The following KIAA0319L variants were observed in gnomAD, a reference collection of about 807,000 sequenced individuals.
The protein encoded by KIAA0319L is dyslexia-associated protein KIAA0319-like protein.
In KIAA0319L, 55 loss-of-function variants were observed where a neutral mutation model predicts 120.1. The ratio of observed to expected loss-of-function variants is 0.46; its 90% confidence interval spans 0.37 to 0.57. The LOEUF (loss-of-function observed/expected upper bound fraction) is 0.57. Ranked by LOEUF, KIAA0319L falls within the 20% of genes least tolerant of loss-of-function variation. The pLI is 0.00. For missense variants in KIAA0319L, 1,049 were observed against 1,255.3 expected (o/e 0.84, Z 2.48); for synonymous variants, 398 against 471.9 (o/e 0.84, Z 2.03).
chr1:35,472,404 G>A (rs1018129975), intron 5 of KIAA0319L, among the ~76,000 whole-genome samples: 3 of 152,144 alleles, frequency 2.0e-5, no homozygotes, highest in African/African-American at 7.2e-5. Context: ...TGATCCTCCT[G>A]CCTCAGCCTC....
At position 35,442,234 on chromosome 1, in the gene KIAA0319L, A is replaced by G. The variant is rs1443419368; in HGVS notation, c.2870+12T>C. On this transcript the variant is annotated intron_variant, in intron 19 of 20. Transcript: ENST00000325722. Reference sequence around the variant, plus strand: ...GAAGCCCGAATGAATTTCAAAGGAAAATCCATCTTACCTCTTACAACAACA... The same window carrying G: ...GAAGCCCGAATGAATTTCAAAGGAAGATCCATCTTACCTCTTACAACAACA... The G allele has an allele frequency of 1.9e-6, 3 of 1,598,150 alleles. No homozygotes were observed. The highest frequency in any genetic ancestry group is 1.3e-5 in the African/African-American group (1 of 74,558).
chr1:35,457,524 T>TA (rs965501756), intron 9 of KIAA0319L, among the ~76,000 whole-genome samples: 6 of 135,782 alleles, frequency 4.4e-5, no homozygotes, highest in Non-Finnish European at 8.1e-5. Flanking sequence ...AGAAAGAAAA[T>TA]AAAAAAAAAT....
intron 10 of KIAA0319L, 27 bp downstream of exon 10, chr1:35,455,986 G>T (rs749156495): frequency 1.3e-6 from 2 of 1,558,818 alleles, no homozygotes; most frequent in East Asian, 4.5e-5. Context: ...TCTTGGGCAA[G>T]AAAAAATAGG....
At chr1:35,479,961 A>AC (rs1553203193) in intron 3 of KIAA0319L, among the ~76,000 whole-genome samples, 5,473 of 138,408 alleles carry the variant, frequency 0.04, 452 homozygotes, top group African/African-American at 0.16. Context: ...AAAAAAAAAA[A>AC]AAAAAAAAAA....
Position 35,466,598 on chromosome 1 carries a change from G to T in KIAA0319L, c.1201+10C>A. On this transcript the variant is annotated intron_variant, in intron 7 of 20. Transcript: ENST00000325722. ...GAGGAAGGGAGACACAGCCAGGGCT[G>T]AAAACATACCTGGCTTGACTGTCAC... The T allele has an allele frequency of 2.5e-6, 4 of 1,602,490 alleles. No individual in the cohort carries two copies. The highest frequency in any genetic ancestry group is 1.7e-6 in the Non-Finnish European group (2 of 1,169,706).
At chr1:35,551,001 C>A (rs1329669756) in intron 2 of KIAA0319L, among the ~76,000 whole-genome samples, 1 of 152,192 alleles carries the variant, frequency 6.6e-6, no homozygotes, top group Admixed American at 6.5e-5. Flanking sequence ...TTGATCAGTG[C>A]TCTCATTCAC....
rs910918529 is a variant in KIAA0319L, at chr1:35,554,512, C to T, written c.-21G>A. ...TCCATGGCCCTCCAGACAGGCAGAA[C>T]CAGTACACTAGAAGGACAGAAAGAG... On this transcript the variant is annotated 5_prime_UTR_variant, in exon 2 of 21. Transcript: ENST00000325722. The T allele has an allele frequency of 1.7e-5, 26 of 1,575,254 alleles. No homozygotes were observed. Among genetic ancestry groups the T allele is most frequent in the Non-Finnish European group, 2.2e-5 (26 of 1,165,160 alleles).
At chr1:35,499,236 T>C (rs1346539323) in intron 3 of KIAA0319L, among the ~76,000 whole-genome samples, 1 of 152,138 alleles carries the variant, frequency 6.6e-6, no homozygotes, top group African/African-American at 2.4e-5. Flanking sequence ...GACTGAATGT[T>C]TGTGTTCTCC....
chr1:35,537,064 A>G (rs2148482803), intron 2 of KIAA0319L, among the ~76,000 whole-genome samples: 1 of 152,302 alleles, frequency 6.6e-6, no homozygotes, highest in African/African-American at 2.4e-5. Flanking sequence ...CTGTCTTTGT[A>G]CTTCAAAAAG....
chr1:35,453,672 G>T lies in KIAA0319L; in HGVS notation c.1798C>A (p.Gln600Lys). The change falls in exon 12 of 21, where the codon CAG becomes AAG. Residue 600 changes from glutamine (Q) to lysine (K), a missense_variant. Coordinates refer to ENST00000325722, the MANE Select transcript of KIAA0319L (RefSeq NM_024874.5). The surrounding 1 kb of genome is among the most constrained non-coding windows in gnomAD (Gnocchi z 4.1). ...IVQPENNKPP[Q>K]ADAGPDKELT... Reference sequence around the variant, plus strand: ...TCTTTATCTGGGCCTGCATCTGCCTGAGGAGGCTTATTGTTTTCTGGAAGA... The same window carrying T: ...TCTTTATCTGGGCCTGCATCTGCCTTAGGAGGCTTATTGTTTTCTGGAAGA... The T allele has an allele frequency of 6.2e-7, 1 of 1,613,696 alleles. No homozygotes were observed. Among genetic ancestry groups the T allele is most frequent in the Non-Finnish European group, 8.5e-7 (1 of 1,179,754 alleles).
chr1:35,512,226 C>T (rs1238287690), intron 2 of KIAA0319L, among the ~76,000 whole-genome samples: 1 of 151,160 alleles, frequency 6.6e-6, no homozygotes, highest in African/African-American at 2.4e-5. Context: ...CAAGAGCATG[C>T]CACTGTACTC....
chr1:35,439,102 A>G (rs1255131623), intron 20 of KIAA0319L: 4 of 152,288 alleles, frequency 2.6e-5, no homozygotes, highest in Non-Finnish European at 1.5e-5. Context: ...AGTCCTCAGC[A>G]GGGACCCTGC....
intron 2 of KIAA0319L, 53 bp downstream of exon 2, chr1:35,554,297 T>G (rs1168884230): frequency 1.4e-6 from 2 of 1,406,008 alleles, no homozygotes; most frequent in East Asian, 5.0e-5. Flanking sequence ...GGGACTCACA[T>G]AAAATGCCCT....
chr1:35,494,373 C>A (rs1012257853), intron 3 of KIAA0319L, among the ~76,000 whole-genome samples: 1 of 151,900 alleles, frequency 6.6e-6, no homozygotes. Context: ...CACTTGAACC[C>A]GGGAGGCGGA....
intron 20 of KIAA0319L, chr1:35,440,779 G>T: frequency 2.1e-6 from 1 of 469,460 alleles, no homozygotes; most frequent in Non-Finnish European, 3.9e-6. Context: ...ACTCCAGGTG[G>T]GAAACATGAG....
intron 2 of KIAA0319L, among the ~76,000 whole-genome samples, chr1:35,541,329 ACTT>A (rs929821456): frequency 3.6e-5 from 5 of 139,070 alleles, no homozygotes; most frequent in Non-Finnish European, 4.6e-5. Flanking sequence ...TCTGCAAGCT[ACTT>A]CTTTTTTTTT....
chr1:35,471,248 T>G (rs578112124), intron 5 of KIAA0319L, among the ~76,000 whole-genome samples: 2 of 152,204 alleles, frequency 1.3e-5, no homozygotes, highest in South Asian at 2.1e-4. Context: ...AGGTTGCTCA[T>G]GGTGTGGCAT....
chr1:35,528,514 G>T (rs1173619222), intron 2 of KIAA0319L, among the ~76,000 whole-genome samples: 1 of 152,182 alleles, frequency 6.6e-6, no homozygotes, highest in Non-Finnish European at 1.5e-5. Context: ...TTTTAAAAAT[G>T]TGTTGAGGTT....
chr1:35,440,209 G>C (rs1641100055), intron 20 of KIAA0319L: 1 of 152,158 alleles, frequency 6.6e-6, no homozygotes, highest in Admixed American at 6.5e-5. Flanking sequence ...AGACTGCTGT[G>C]AGCCTGTTCT....
Sources: gnomAD v4.1 joint callset for allele counts (sites outside exome capture counted in the v4.1 genomes callset) on GRCh38, gnomAD v4.1.1 for gene constraint, Gnocchi (gnomAD v3.1) non-coding constraint, MANE v1.5 for transcripts, NCBI Gene and HGNC (gene_info 2026-07-23, HGNC 2026-07-21) for gene names.